Variants in CAMKMT observed in about 807,000 individuals in gnomAD.
CAMKMT encodes the protein calmodulin-lysine N-methyltransferase.
CAMKMT carries 53 observed loss-of-function variants against 48.0 expected under a neutral mutation model. The observed-to-expected ratio is 1.10, with a 90% confidence interval of 0.89 to 1.39. CAMKMT has a LOEUF of 1.39. Ranked by LOEUF, CAMKMT falls within the 40% of genes most tolerant of loss-of-function variation. CAMKMT has a pLI of 0.00. For missense variants in CAMKMT, 428 were observed against 402.7 expected (o/e 1.06, Z -0.54); for synonymous variants, 165 against 152.3 (o/e 1.08, Z -0.61).
At chr2:44,561,957 GAA>G (rs34781172) in intron 3 of CAMKMT, among the ~76,000 whole-genome samples, 2 of 152,140 alleles carry the variant, frequency 1.3e-5, no homozygotes, top group Non-Finnish European at 2.9e-5. Context: ...ATAAGAGGGA[GAA>G]AAAAGTGAGC....
chr2:44,612,022 C>T (rs1671629552), intron 3 of CAMKMT, among the ~76,000 whole-genome samples: 2 of 152,124 alleles, frequency 1.3e-5, no homozygotes, highest in South Asian at 4.1e-4. Context: ...CATGAGATTT[C>T]AGTGGGGAAA....
At chr2:44,366,872 C>A (rs756183456) in intron 1 of CAMKMT, among the ~76,000 whole-genome samples, 1 of 152,108 alleles carries the variant, frequency 6.6e-6, no homozygotes, top group Non-Finnish European at 1.5e-5. Context: ...CAGGTGCACA[C>A]CACCACGCCT....
chr2:44,385,990 G>C (rs1281060491), intron 2 of CAMKMT, among the ~76,000 whole-genome samples: 2 of 152,090 alleles, frequency 1.3e-5, no homozygotes, highest in Non-Finnish European at 2.9e-5. Flanking sequence ...TGGCTTCATA[G>C]AATGAATTAG....
chr2:44,709,157 G>T (rs777938386), intron 6 of CAMKMT, among the ~76,000 whole-genome samples: 1 of 152,024 alleles, frequency 6.6e-6, no homozygotes, highest in Admixed American at 6.6e-5. Context: ...TCATTCTGCC[G>T]GCCTTTCAAA....
intron 10 of CAMKMT, 151 bp downstream of exon 10, chr2:44,766,712 T>A: frequency 2.4e-6 from 2 of 818,976 alleles, no homozygotes; most frequent in Non-Finnish European, 1.9e-6. Context: ...TTATTTTGTG[T>A]GGTAAAGCCA....
At chr2:44,766,098 C>G (rs1472654692) in intron 9 of CAMKMT, among the ~76,000 whole-genome samples, 1 of 152,198 alleles carries the variant, frequency 6.6e-6, no homozygotes, top group African/African-American at 2.4e-5. Flanking sequence ...GGACCAGTTA[C>G]TCTAAAATCT....
chr2:44,482,259 T>G (rs1669010469), intron 3 of CAMKMT, among the ~76,000 whole-genome samples: 2 of 152,168 alleles, frequency 1.3e-5, no homozygotes, highest in Admixed American at 1.3e-4. Context: ...ATTGAATTTT[T>G]CTGTTTAACC....
At chr2:44,619,457 A>T (rs1572931754) in intron 3 of CAMKMT, among the ~76,000 whole-genome samples, 1 of 101,764 alleles carries the variant, frequency 9.8e-6, no homozygotes, top group Non-Finnish European at 2.3e-5. Context: ...TTAGCTGATT[A>T]TGTGTGTATA....
intron 3 of CAMKMT, among the ~76,000 whole-genome samples, chr2:44,685,902 C>T (rs1676307987): frequency 6.6e-6 from 1 of 151,614 alleles, no homozygotes; most frequent in Non-Finnish European, 1.5e-5. Flanking sequence ...TTTTTTTTAA[C>T]TCTGAGGTAT....
At position 44,538,674 on chromosome 2, in the gene CAMKMT, A is replaced by G. The variant is rs973885369; in HGVS notation, c.376+148369A>G. ...AAAGACTGCATATTGGCCACAATAT[A>G]TACTGCTAGGGTGATGGGTGTGCTA... On this transcript the variant is annotated intron_variant, in intron 3 of 10. Transcript: ENST00000378494. Among the ~76,000 whole-genome samples, 5 of 152,250 alleles carry G rather than the reference A, an allele frequency of 3.3e-5. No individual in the cohort carries two copies. The East Asian group carries it at 5.8e-4, about 18-fold the overall frequency.
intron 3 of CAMKMT, among the ~76,000 whole-genome samples, chr2:44,680,813 T>C (rs1675973827): frequency 6.6e-6 from 1 of 152,004 alleles, no homozygotes; most frequent in Admixed American, 6.6e-5. Context: ...GACATCAAGA[T>C]GTGAGAAGAG....
intron 3 of CAMKMT, among the ~76,000 whole-genome samples, chr2:44,404,353 G>A (rs13410899): frequency 0.063 from 9,528 of 152,052 alleles, 401 homozygotes; most frequent in Middle Eastern, 0.11. Context: ...GTGTACATAT[G>A]TATGCATTTT....
At chr2:44,736,157 C>T (rs141419419) in intron 7 of CAMKMT, among the ~76,000 whole-genome samples, 2,583 of 152,154 alleles carry the variant, frequency 0.017, 35 homozygotes, top group South Asian at 0.03. Context: ...TATAATTTTT[C>T]TTCTGCCTTA....
intron 3 of CAMKMT, among the ~76,000 whole-genome samples, chr2:44,434,408 A>G (rs1165062698): frequency 6.6e-6 from 1 of 152,190 alleles, no homozygotes; most frequent in African/African-American, 2.4e-5. Context: ...TGCTTCTAAA[A>G]GTAACAAATT....
At chr2:44,402,628 T>C (rs1160958951) in intron 3 of CAMKMT, among the ~76,000 whole-genome samples, 1 of 151,744 alleles carries the variant, frequency 6.6e-6, no homozygotes, top group East Asian at 1.9e-4. Context: ...TGAATTACTC[T>C]TTTAATGACT....
chr2:44,707,589 G>C (rs1027743051), intron 6 of CAMKMT, 127 bp downstream of exon 6: 2 of 650,300 alleles, frequency 3.1e-6, no homozygotes, highest in South Asian at 2.4e-5. Flanking sequence ...TACATGATAA[G>C]TAATTAAGAA....
chr2:44,485,194 T>C (rs1669157255), intron 3 of CAMKMT, among the ~76,000 whole-genome samples: 1 of 152,192 alleles, frequency 6.6e-6, no homozygotes, highest in South Asian at 2.1e-4. Flanking sequence ...GGCAATTTCG[T>C]TCTCTGGTAT....
At chr2:44,458,163 C>T (rs1005891166) in intron 3 of CAMKMT, among the ~76,000 whole-genome samples, 6 of 151,162 alleles carry the variant, frequency 4.0e-5, no homozygotes, top group Middle Eastern at 3.2e-3. Flanking sequence ...CTTCCCACCT[C>T]AGCCTCCCAC....
intron 9 of CAMKMT, among the ~76,000 whole-genome samples, chr2:44,754,471 G>T (rs552221240): frequency 1.6e-4 from 25 of 152,032 alleles, no homozygotes; most frequent in Non-Finnish European, 1.2e-4. Context: ...GTTGACTTCT[G>T]TCATTTTCAA....
Sources: gnomAD v4.1 joint callset for allele counts (sites outside exome capture counted in the v4.1 genomes callset) on GRCh38, gnomAD v4.1.1 for gene constraint, MANE v1.5 for transcripts, NCBI Gene and HGNC (gene_info 2026-07-23, HGNC 2026-07-21) for gene names.